DHX34: variants seen among roughly 807,000 people sequenced by gnomAD.
DHX34 encodes DExH-box helicase 34.
Under a neutral mutation model 111.1 loss-of-function variants are expected in DHX34, and 96 were observed. The ratio of observed to expected loss-of-function variants is 0.86; its 90% CI spans 0.73 to 1.02. DHX34 has a LOEUF of 1.02. Among genes scored for constraint, DHX34 ranks in the 50% least tolerant of loss-of-function variants. The pLI is 0.00. For synonymous variants in DHX34, 688 were observed against 670.4 expected (o/e 1.03, Z -0.41); for missense variants, 1,560 against 1,579.9 (o/e 0.99, Z 0.21).
rs371463294 is a variant in DHX34 at position 47,372,856 on chromosome 19, G to C, written c.1895G>C (p.Arg632Pro). The C allele has an allele frequency of 9.3e-6, 15 of 1,611,618 alleles. No homozygotes were observed. Among genetic ancestry groups the C allele is most frequent in the Non-Finnish European group, 3.4e-6 (4 of 1,179,692 alleles). Residue 632 changes from arginine to proline, a missense_variant, in exon 8 of 17, where the codon CGG becomes CCG. Transcript: ENST00000328771. ...AGCAGCCCAGAGTGCGCGGCAGCAC[G>C]GCGGCCGCTGGAGAGCGACCAGGGT... ...AQSSPECAAARRPLESDQGDP... is the reference protein window; with the variant it reads ...AQSSPECAAAPRPLESDQGDP...
chr19:47,355,252 G>C lies in DHX34; in HGVS notation c.919G>C (p.Val307Leu), dbSNP rs1253358285. Residue 307 changes from valine (V) to leucine (L), a missense_variant, in exon 3 of 17, where the codon GTC (valine) becomes CTC (leucine). By Grantham distance (32) the Val-to-Leu change is conservative. Transcript: ENST00000328771. The part of the protein sequence containing the change: ...RLLPTRPDLK[V>L]ILMSATINIS... Reference sequence around the variant, plus strand: ...GTTGCCCACGCGGCCTGACCTCAAGGTCATCCTCATGTCGGCCACCATCAA... The same window carrying C: ...GTTGCCCACGCGGCCTGACCTCAAGCTCATCCTCATGTCGGCCACCATCAA... 6.2e-7 allele frequency: 1 copy of C among 1,614,124 alleles called. No individual in the cohort carries two copies. Among genetic ancestry groups the C allele is most frequent in the Non-Finnish European group, 8.5e-7 (1 of 1,180,026 alleles).
At chr19:47,350,991 A>C (rs1028497955) in intron 1 of DHX34, among the ~76,000 whole-genome samples, 2 of 152,024 alleles carry the variant, frequency 1.3e-5, no homozygotes, top group African/African-American at 4.8e-5. Flanking sequence ...CCATGAGCCC[A>C]GGGCAAATAG....
chr19:47,375,545 G>A lies in DHX34; in HGVS notation c.2144G>A (p.Arg715His), dbSNP rs529227456. 5.8e-6 allele frequency: 9 copies of A among 1,551,086 alleles called. No individual in the cohort carries two copies. Among genetic ancestry groups the A allele is most frequent in the East Asian group, 2.4e-5 (1 of 41,724 alleles). The change falls in exon 10 of 17, where the codon CGC becomes CAC. Residue 715 changes from arginine to histidine, a missense_variant. Coordinates refer to ENST00000328771, the MANE Select transcript of DHX34 (RefSeq NM_014681.6). ...VGDSYSRLQQRRERRALHQLK... is the reference protein window; with the variant it reads ...VGDSYSRLQQHRERRALHQLK... ...GACAGCTACAGTCGGTTGCAGCAGC[G>A]CCGGGAGCGCCGGGCCCTGCACCAG...
intron 6 of DHX34, among the ~76,000 whole-genome samples, chr19:47,364,881 C>T (rs1016443297): frequency 2.0e-5 from 3 of 152,170 alleles, no homozygotes; most frequent in African/African-American, 7.2e-5. Context: ...CACCAGGCGT[C>T]AGAGCCTGCT....
At chr19:47,372,982 T>C in intron 8 of DHX34, 59 bp downstream of exon 8, 5 of 1,501,376 alleles carry the variant, frequency 3.3e-6, no homozygotes, top group Non-Finnish European at 4.4e-6. Context: ...AGGCCTTCTG[T>C]GGCTGTGGCT....
chr19:47,353,624 C>T lies in DHX34; in HGVS notation c.594C>T (p.Tyr198=). 6.2e-7 allele frequency: 1 copy of T among 1,613,326 alleles called. No homozygotes were observed. Among genetic ancestry groups the T allele is most frequent in the African/African-American group, 1.3e-5 (1 of 75,056 alleles). ...GCGKSTQVPQ[Y]LLAAGFSHVA... ...GCAAGTCCACTCAGGTGCCCCAGTACCTGCTGGCTGCTGGCTTCAGTCATG... is the reference window on the plus strand; with the variant it reads ...GCAAGTCCACTCAGGTGCCCCAGTATCTGCTGGCTGCTGGCTTCAGTCATG... The change falls in exon 2 of 17, where the codon TAC becomes TAT. Residue 198 remains tyrosine (Y), a synonymous_variant. Coordinates refer to ENST00000328771, the MANE Select transcript of DHX34 (RefSeq NM_014681.6). This position sits in a 1 kb window ranked among gnomAD's most constrained non-coding sequence, Gnocchi z 4.6.
intron 2 of DHX34, 138 bp from the exon 3 acceptor site, chr19:47,354,901 G>A (rs887287492): frequency 3.0e-5 from 43 of 1,454,988 alleles, no homozygotes; most frequent in African/African-American, 5.7e-5. Context: ...TGATCCGCCC[G>A]CCTCTGCCTC....
intron 4 of DHX34, among the ~76,000 whole-genome samples, chr19:47,358,342 AGAT>A (rs1969524164): frequency 6.6e-6 from 1 of 152,226 alleles, no homozygotes; most frequent in Non-Finnish European, 1.5e-5. Context: ...GGGTCGGAGT[AGAT>A]GATGTCAGTC....
chr19:47,351,788 C>T (rs1329452283), intron 1 of DHX34, among the ~76,000 whole-genome samples: 1 of 152,138 alleles, frequency 6.6e-6, no homozygotes, highest in Non-Finnish European at 1.5e-5. Context: ...GGGGAGTAGA[C>T]TACTAAGACT....
At chr19:47,381,164 C>T in intron 15 of DHX34, 22 bp from the exon 16 acceptor site, 1 of 1,611,482 alleles carries the variant, frequency 6.2e-7, no homozygotes, top group Non-Finnish European at 8.5e-7. Flanking sequence ...GGGGCCCAGC[C>T]CTGACAGCTG....
intron 14 of DHX34, 74 bp from the exon 15 acceptor site, chr19:47,380,742 A>T: frequency 6.3e-7 from 1 of 1,591,804 alleles, no homozygotes; most frequent in African/African-American, 1.3e-5. Context: ...GGCTTCAGGC[A>T]CAGCTGGATC....
At chr19:47,350,884 GTGA>G (rs1969264710) in intron 1 of DHX34, among the ~76,000 whole-genome samples, 2 of 152,060 alleles carry the variant, frequency 1.3e-5, no homozygotes, top group South Asian at 4.1e-4. Context: ...AGAGATGAGG[GTGA>G]TGATGAACAA....
At position 47,373,647 on chromosome 19, in the gene DHX34, G is replaced by A. The variant is rs1970040555; in HGVS notation, c.2011G>A (p.Gly671Ser). ...CTCTCGCAAGTGGTGCCGCCGCCGG[G>A]GCATAGAGGAGCATCGACTGTACGA... is the stretch of plus-strand genomic sequence containing the variant. ...RNSRKWCRRRGIEEHRLYEMA... is the reference protein window; with the variant it reads ...RNSRKWCRRRSIEEHRLYEMA... The change falls in exon 9 of 17, where the codon GGC (glycine) becomes AGC (serine). Residue 671 changes from glycine (G) to serine (S), a missense_variant. By Grantham distance (56) the Gly-to-Ser change is moderately conservative. Coordinates refer to ENST00000328771, the MANE Select transcript of DHX34 (RefSeq NM_014681.6). 1 of 1,614,064 alleles carries A rather than the reference G, an allele frequency of 6.2e-7. No individual in the cohort carries two copies. The highest frequency in any genetic ancestry group is 1.1e-5 in the South Asian group (1 of 91,086).
At position 47,376,547 on chromosome 19, in the gene DHX34, C is replaced by T. The variant is rs376227723; in HGVS notation, c.2586C>T (p.Cys862=). The stretch of plus-strand genomic sequence containing the variant: ...CACAGGAGCTGGAGGCCAGCAACTG[C>T]GACGGAAGCCGAGGTACAGTGAGCC... ...LHAQELEASN[C]DGSRDDKDKM... Residue 862 remains cysteine (C), a synonymous_variant, in exon 12 of 17, where the codon TGC becomes TGT. Coordinates refer to ENST00000328771, the MANE Select transcript of DHX34 (RefSeq NM_014681.6). 2.1e-4 allele frequency: 328 copies of T among 1,561,906 alleles called. 1 individual carries two copies. The African/African-American group carries it at 2.9e-3, about 14-fold the overall frequency.
intron 11 of DHX34, 158 bp from the exon 12 acceptor site, chr19:47,376,285 G>C (rs1009129895): frequency 6.8e-7 from 1 of 1,474,096 alleles, no homozygotes; most frequent in Non-Finnish European, 9.0e-7. Context: ...GGAGTCAAGA[G>C]CACTATAGGA....
At chr19:47,351,658 T>G (rs1969290772) in intron 1 of DHX34, among the ~76,000 whole-genome samples, 2 of 152,170 alleles carry the variant, frequency 1.3e-5, no homozygotes, top group South Asian at 4.1e-4. Context: ...ACTTGCCTGA[T>G]TATGATGGAT....
In DHX34 at chr19:47,381,214, T is replaced by G; in HGVS notation, c.3188T>G (p.Leu1063Arg). 1 of 1,613,996 alleles carries G rather than the reference T, an allele frequency of 6.2e-7. No individual in the cohort carries two copies. The highest frequency in any genetic ancestry group is 8.5e-7 in the Non-Finnish European group (1 of 1,179,896). The change falls in exon 16 of 17, where the codon CTC becomes CGC. Residue 1063 changes from leucine (L) to arginine (R), a missense_variant. Coordinates refer to ENST00000328771, the MANE Select transcript of DHX34 (RefSeq NM_014681.6). ...TNDTDLYSDC[L>R]RTFWTCPHCG... ...GACACAGACCTGTACAGCGACTGTCTCCGAACCTTCTGGACCTGCCCCCAC... is the reference window on the plus strand; with the variant it reads ...GACACAGACCTGTACAGCGACTGTCGCCGAACCTTCTGGACCTGCCCCCAC...
intron 1 of DHX34, among the ~76,000 whole-genome samples, chr19:47,352,097 G>T (rs1969305562): frequency 6.6e-6 from 1 of 152,122 alleles, no homozygotes; most frequent in Admixed American, 6.6e-5. Flanking sequence ...GCTGTTGGTT[G>T]GCCATGTGAC....
intron 14 of DHX34, 101 bp from the exon 15 acceptor site, chr19:47,380,715 T>G (rs1489547273): frequency 1.3e-6 from 2 of 1,538,400 alleles, no homozygotes; most frequent in Non-Finnish European, 8.7e-7. Context: ...CTCCCGTAAC[T>G]GCAAAGCCCG....
Sources: gnomAD v4.1 joint callset for allele counts (sites outside exome capture counted in the v4.1 genomes callset) on GRCh38, gnomAD v4.1.1 for gene constraint, Gnocchi (gnomAD v3.1) non-coding constraint, MANE v1.5 for transcripts, NCBI Gene and HGNC (gene_info 2026-07-23, HGNC 2026-07-21) for gene names.